Variants in ANKS1B observed in about 807,000 individuals in gnomAD.
ANKS1B encodes ankyrin repeat and sterile alpha motif domain-containing protein 1B.
A neutral mutation model predicts 148.3 loss-of-function variants in ANKS1B; 36 were observed. That is an observed-to-expected ratio of 0.24 (90% confidence interval 0.19 to 0.32). The LOEUF (loss-of-function observed/expected upper bound fraction) is 0.32. Ranked by LOEUF, ANKS1B falls within the 10% of genes least tolerant of loss-of-function variation. The pLI is 1.00. For missense variants in ANKS1B, 1,157 were observed against 1,542.6 expected (o/e 0.75, Z 4.19); for synonymous variants, 542 against 560.8 (o/e 0.97, Z 0.47).
At chr12:99,964,112 C>T (rs1482597905) in intron 1 of ANKS1B, among the ~76,000 whole-genome samples, 1 of 152,114 alleles carries the variant, frequency 6.6e-6, no homozygotes, top group East Asian at 1.9e-4. Context: ...TACATGTCCA[C>T]AACACTATAC....
At chr12:99,029,000 G>C (rs1029164627) in intron 17 of ANKS1B, among the ~76,000 whole-genome samples, 3 of 152,148 alleles carry the variant, frequency 2.0e-5, no homozygotes, top group Admixed American at 2.0e-4. Context: ...TTAATAAAAA[G>C]TTTTCATGCA....
At chr12:99,273,130 T>C (rs934929804) in intron 12 of ANKS1B, among the ~76,000 whole-genome samples, 7 of 152,212 alleles carry the variant, frequency 4.6e-5, no homozygotes, top group Admixed American at 2.0e-4. Context: ...GGGCTCCATC[T>C]TATTGGAGTT....
At chr12:99,681,667 T>C (rs966007064) in intron 8 of ANKS1B, among the ~76,000 whole-genome samples, 2 of 152,194 alleles carry the variant, frequency 1.3e-5, no homozygotes, top group Admixed American at 1.3e-4. Flanking sequence ...GAGCACCCTG[T>C]GGGACAAAAG....
intron 18 of ANKS1B, among the ~76,000 whole-genome samples, chr12:98,830,282 C>T (rs7299162): frequency 0.25 from 38,570 of 151,828 alleles, 5,998 homozygotes; most frequent in Non-Finnish European, 0.35. Context: ...TTTGAGGCTC[C>T]TCTTTCTAAG....
chr12:99,117,554 A>G (rs574073921), intron 15 of ANKS1B, among the ~76,000 whole-genome samples: 1 of 152,210 alleles, frequency 6.6e-6, no homozygotes, highest in African/African-American at 2.4e-5. Context: ...AGCTGATTTG[A>G]TTGTGGTGGA....
At chr12:99,156,930 AG>A (rs1337696686) in intron 14 of ANKS1B, among the ~76,000 whole-genome samples, 1 of 152,234 alleles carries the variant, frequency 6.6e-6, no homozygotes, top group East Asian at 1.9e-4. Context: ...ATTTAAAAAA[AG>A]TTTTAACTCT....
intron 11 of ANKS1B, among the ~76,000 whole-genome samples, chr12:99,438,991 C>T (rs1357822064): frequency 6.6e-6 from 1 of 151,798 alleles, no homozygotes; most frequent in Admixed American, 6.6e-5. Flanking sequence ...AACAAGTACT[C>T]TAGCATTTAA....
At chr12:98,846,521 G>T (rs1037636054) in intron 17 of ANKS1B, among the ~76,000 whole-genome samples, 3 of 152,248 alleles carry the variant, frequency 2.0e-5, no homozygotes, top group African/African-American at 7.2e-5. Context: ...AGGTTGACCT[G>T]TGCAGTGGAT....
chr12:99,464,294 A>G (rs1027174547), intron 10 of ANKS1B, among the ~76,000 whole-genome samples: 1 of 152,174 alleles, frequency 6.6e-6, no homozygotes, highest in Non-Finnish European at 1.5e-5. Flanking sequence ...CCATCTGTAC[A>G]TCACCATCAT....
At chr12:99,588,042 T>C (rs958445811) in intron 9 of ANKS1B, among the ~76,000 whole-genome samples, 3 of 152,118 alleles carry the variant, frequency 2.0e-5, no homozygotes, top group Non-Finnish European at 4.4e-5. Flanking sequence ...ATAGCCTTTC[T>C]ATAGTGGAGA....
chr12:99,476,765 T>G (rs2096330338), intron 10 of ANKS1B, among the ~76,000 whole-genome samples: 1 of 152,152 alleles, frequency 6.6e-6, no homozygotes, highest in Admixed American at 6.6e-5. Context: ...ACCGCAAATG[T>G]TTATTATCTT....
chr12:99,407,301 T>G (rs779628732), intron 11 of ANKS1B, among the ~76,000 whole-genome samples: 7 of 145,916 alleles, frequency 4.8e-5, no homozygotes, highest in Non-Finnish European at 1.1e-4. Context: ...TAATTGATGC[T>G]GAAAAAGAAT....
intron 24 of ANKS1B, among the ~76,000 whole-genome samples, chr12:98,779,021 G>C (rs2098708380): frequency 6.6e-6 from 1 of 152,144 alleles, no homozygotes; most frequent in Non-Finnish European, 1.5e-5. Context: ...TTCACAGACT[G>C]GCTCCACTTG....
At chr12:99,451,786 CGTGT>C (rs147892225) in intron 10 of ANKS1B, among the ~76,000 whole-genome samples, 27 of 150,428 alleles carry the variant, frequency 1.8e-4, no homozygotes, top group African/African-American at 5.6e-4. Flanking sequence ...TGTACAGATA[CGTGT>C]GTGTGTGTGT....
chr12:99,590,258 C>CCACACACACACACA (rs374132496), intron 9 of ANKS1B, among the ~76,000 whole-genome samples: 3 of 132,804 alleles, frequency 2.3e-5, no homozygotes, highest in Admixed American at 1.5e-4. Flanking sequence ...CCACACCCAC[C>CCACACACACACACA]CACACACACA....
chr12:99,419,355 T>G (rs2095013426), intron 11 of ANKS1B, among the ~76,000 whole-genome samples: 1 of 152,216 alleles, frequency 6.6e-6, no homozygotes, highest in African/African-American at 2.4e-5. Flanking sequence ...TAATAATTGA[T>G]CCATTTTAGC....
intron 14 of ANKS1B, among the ~76,000 whole-genome samples, chr12:99,174,383 G>A (rs951472924): frequency 2.0e-5 from 3 of 152,212 alleles, no homozygotes; most frequent in Admixed American, 6.5e-5. Flanking sequence ...CAGAAATTGC[G>A]AGATTATAAA....
chr12:99,852,773 G>T (rs1388521805), intron 1 of ANKS1B, among the ~76,000 whole-genome samples: 2 of 152,236 alleles, frequency 1.3e-5, no homozygotes, highest in African/African-American at 4.8e-5. Flanking sequence ...CAGAGGAACT[G>T]TAAGTCTACT....
intron 1 of ANKS1B, among the ~76,000 whole-genome samples, chr12:99,834,938 T>C (rs2084596506): frequency 6.6e-6 from 1 of 152,202 alleles, no homozygotes; most frequent in African/African-American, 2.4e-5. Context: ...ATAAACCTTA[T>C]TCTCAATCTG....
Sources: allele counts gnomAD v4.1 joint callset (sites outside exome capture counted in the v4.1 genomes callset), GRCh38; gene constraint gnomAD v4.1.1; transcripts MANE v1.5; gene names NCBI Gene and HGNC (gene_info 2026-07-23, HGNC 2026-07-21).